MEF2C: variants seen among roughly 807,000 people sequenced by gnomAD.
MEF2C encodes myocyte-specific enhancer factor 2C.
MEF2C carries 6 observed loss-of-function variants against 50.5 expected under a neutral mutation model. The ratio of observed to expected loss-of-function variants is 0.12; its 90% CI spans 0.07 to 0.23. The LOEUF is 0.23. Ranked by LOEUF, MEF2C falls within the 10% of genes least tolerant of loss-of-function variation. MEF2C has a pLI of 1.00. For missense variants in MEF2C, 276 were observed against 605.0 expected, an observed-to-expected ratio of 0.46 and a Z score of 5.70; for synonymous variants, 183 against 228.0, an observed-to-expected ratio of 0.80 and a Z score of 1.78.
At chr5:88,733,822 G>A (rs935597981) in intron 6 of MEF2C, 3 of 985,268 alleles carry the variant, frequency 3.0e-6, no homozygotes, top group Middle Eastern at 5.2e-4. Context: ...CCCAAAACGT[G>A]TGTTAAGTGA....
At chr5:88,885,423 T>C (rs148492331), upstream of MEF2C, among the ~76,000 whole-genome samples, 1 of 152,330 alleles carries the variant, frequency 6.6e-6, no homozygotes, top group Non-Finnish European at 1.5e-5. Context: ...CCTTTTATTA[T>C]AGGAATGCAT....
At chr5:88,763,615 C>A (rs1173992326) in intron 3 of MEF2C, among the ~76,000 whole-genome samples, 1 of 150,742 alleles carries the variant, frequency 6.6e-6, no homozygotes, top group Non-Finnish European at 1.5e-5. Context: ...TGATATTTTT[C>A]AAAAGTTATC....
chr5:88,791,417 G>A (rs980400352), intron 3 of MEF2C, among the ~76,000 whole-genome samples: 1 of 151,982 alleles, frequency 6.6e-6, no homozygotes, highest in African/African-American at 2.4e-5. Context: ...TCTATATTTT[G>A]AACCCTGTCT....
At chr5:88,855,593 G>T (rs1336468681) in intron 1 of MEF2C, among the ~76,000 whole-genome samples, 1 of 152,156 alleles carries the variant, frequency 6.6e-6, no homozygotes, top group Non-Finnish European at 1.5e-5. Flanking sequence ...GTCATGGGAG[G>T]GACCAGGTGG....
chr5:88,779,957 C>T (rs1356531048), intron 3 of MEF2C, among the ~76,000 whole-genome samples: 4 of 151,616 alleles, frequency 2.6e-5, no homozygotes, highest in Admixed American at 1.3e-4. Context: ...CCAGCCTGGC[C>T]AAGATGGTGA....
chr5:88,828,182 G>A (rs545479933), intron 1 of MEF2C, among the ~76,000 whole-genome samples: 2 of 151,962 alleles, frequency 1.3e-5, no homozygotes, highest in Non-Finnish European at 1.5e-5. Flanking sequence ...CTTTGATTTA[G>A]AAGTTAAACA....
At chr5:88,771,728 G>T in intron 3 of MEF2C, 1 of 467,026 alleles carries the variant, frequency 2.1e-6, no homozygotes. Context: ...AATGAGTTGG[G>T]TGGTCTTGTA....
chr5:88,751,990 G>A lies in MEF2C; in HGVS notation c.456C>T (p.His152=), dbSNP rs1554112204. ...EMPVSIPVSS[H]NSLVYSNPVS... ...CAGGGTTGCTGTACACCAAACTGTTGTGGCTGGACACTGGGATGGAGACTG... is the reference window on the plus strand; with the variant it reads ...CAGGGTTGCTGTACACCAAACTGTTATGGCTGGACACTGGGATGGAGACTG... The change falls in exon 5 of 11, where the codon CAC becomes CAT. Residue 152 remains histidine (H), a synonymous_variant. Transcript: ENST00000504921. The A allele has an allele frequency of 1.2e-6, 2 of 1,613,762 alleles. No homozygotes were observed. The highest frequency in any genetic ancestry group is 1.7e-6 in the Non-Finnish European group (2 of 1,179,734).
rs142966271 is a variant in MEF2C, at chr5:88,869,189, A to G, written c.-143+13766T>C. 3.2e-4 allele frequency among the ~76,000 whole-genome samples: 47 copies of G among 148,304 alleles called. 1 individual carries two copies. The East Asian group carries it at 5.5e-3, about 17-fold the overall frequency. ...TATGTGACAATATATCAGTTTCACA[A>G]TCACGTTATGTCTTAAATGTATTTT... On this transcript the variant is annotated intron_variant, in intron 1 of 10. Transcript: ENST00000504921.
chr5:88,735,177 G>A, intron 6 of MEF2C: 1 of 985,344 alleles, frequency 1.0e-6, no homozygotes, highest in Non-Finnish European at 1.2e-6. Flanking sequence ...ATTTAAACCG[G>A]CTGGGAAACC....
intron 3 of MEF2C, among the ~76,000 whole-genome samples, chr5:88,802,053 T>C (rs1424600214): frequency 6.6e-6 from 1 of 152,240 alleles, no homozygotes; most frequent in Non-Finnish European, 1.5e-5. Flanking sequence ...TTACATGTTA[T>C]GTTCATCCAA....
At chr5:88,799,505 A>C (rs1797382443) in intron 3 of MEF2C, among the ~76,000 whole-genome samples, 1 of 152,250 alleles carries the variant, frequency 6.6e-6, no homozygotes, top group African/African-American at 2.4e-5. Flanking sequence ...CTGAGTTTGT[A>C]AAGAAGTCCA....
At chr5:88,881,163 T>C (rs1161672060) in intron 1 of MEF2C, 1 of 152,138 alleles carries the variant, frequency 6.6e-6, no homozygotes, top group African/African-American at 2.4e-5. Flanking sequence ...TTTAAGCAAA[T>C]GTTATGTTTA....
At chr5:88,798,337 T>C (rs1796876002) in intron 3 of MEF2C, among the ~76,000 whole-genome samples, 1 of 152,124 alleles carries the variant, frequency 6.6e-6, no homozygotes, top group South Asian at 2.1e-4. Context: ...TGTTCATTCC[T>C]TTTCATTCTT....
chr5:88,890,662 AAAAG>A (rs912737557), intron 1 of MEF2C, among the ~76,000 whole-genome samples: 4 of 152,190 alleles, frequency 2.6e-5, no homozygotes, highest in East Asian at 1.9e-4. Flanking sequence ...GCTGGTTAAA[AAAAG>A]AAAGAAAGAA....
At chr5:88,726,206 A>G (rs1758626814) in intron 10 of MEF2C, among the ~76,000 whole-genome samples, 1 of 152,128 alleles carries the variant, frequency 6.6e-6, no homozygotes, top group South Asian at 2.1e-4. Flanking sequence ...TGCTGGGAAT[A>G]TCTACTTTGG....
chr5:88,739,758 T>C (rs1765718646), intron 6 of MEF2C: 4 of 984,660 alleles, frequency 4.1e-6, no homozygotes, highest in Admixed American at 1.2e-4. Flanking sequence ...AAAAAAGATA[T>C]TTTACATTGA....
chr5:88,808,276 T>C (rs549718094), intron 2 of MEF2C, among the ~76,000 whole-genome samples: 4 of 152,212 alleles, frequency 2.6e-5, no homozygotes, highest in Non-Finnish European at 5.9e-5. Context: ...GGCACTGACC[T>C]AGACTACTTT....
chr5:88,741,167 G>C, intron 6 of MEF2C: 1 of 985,308 alleles, frequency 1.0e-6, no homozygotes, highest in Non-Finnish European at 1.2e-6. Flanking sequence ...GAAGCCTACT[G>C]GTGTGCTCCC....
Sources: gnomAD v4.1 joint callset for allele counts (sites outside exome capture counted in the v4.1 genomes callset) on GRCh38, gnomAD v4.1.1 for gene constraint, MANE v1.5 for transcripts, NCBI Gene and HGNC (gene_info 2026-07-23, HGNC 2026-07-21) for gene names.